ZFP57: variants seen among roughly 807,000 people sequenced by gnomAD.
The protein encoded by ZFP57 is zinc finger protein 57 homolog.
Under a neutral mutation model 15.8 loss-of-function variants are expected in ZFP57, and 12 were observed. That is an observed-to-expected ratio of 0.76 (90% confidence interval 0.49 to 1.23). ZFP57 has a LOEUF of 1.23. Among genes scored for constraint, ZFP57 ranks in the 50% most tolerant of loss-of-function variants. The pLI, the probability that ZFP57 is intolerant of heterozygous loss-of-function variation, is 0.00. For synonymous variants in ZFP57, 203 were observed against 242.3 expected (o/e 0.84, Z 1.51); for missense variants, 536 against 654.9 (o/e 0.82, Z 1.98).
At chr6:29,676,544 A>AAAG (rs1159231272) in intron 2 of ZFP57, among the ~76,000 whole-genome samples, 4 of 134,792 alleles carry the variant, frequency 3.0e-5, no homozygotes, top group Non-Finnish European at 6.6e-5. Context: ...TCAAAAAAAA[A>AAAG]AAAAAGAAAA....
At chr6:29,679,134 C>A (rs1481349540) in intron 1 of ZFP57, among the ~76,000 whole-genome samples, 1 of 152,214 alleles carries the variant, frequency 6.6e-6, no homozygotes, top group Non-Finnish European at 1.5e-5. Flanking sequence ...TGCTAACAAC[C>A]CAAGAGCAAT....
chr6:29,675,495 G>C lies in ZFP57; in HGVS notation c.251-8C>G. 1 of 1,612,590 alleles carries C rather than the reference G, an allele frequency of 6.2e-7. No individual in the cohort carries two copies. The highest frequency in any genetic ancestry group is 8.5e-7 in the Non-Finnish European group (1 of 1,178,638). ...TATGCAGAAAGATTCTGGCTGATGT[G>C]TGGGAATGAGAAAGAGTTGAGTTGG... On this transcript the variant is annotated splice_polypyrimidine_tract_variant and splice_region_variant and intron_variant, in intron 3 of 4. Transcript: ENST00000376883.
chr6:29,678,406 T>C (rs1772178447), intron 1 of ZFP57, among the ~76,000 whole-genome samples: 2 of 152,254 alleles, frequency 1.3e-5, no homozygotes, highest in Admixed American at 1.3e-4. Flanking sequence ...ACTACTGTAG[T>C]ATAGCAGTTG....
Position 29,676,944 on chromosome 6 carries a change from C to A in ZFP57, c.60G>T (p.Glu20Asp). ...PVQKTLPWVG[E>D]VAATLQEAMK... ...TGGCTTCCTGCAGGGTGGCAGCTACCTCGCCCACCCATGGGAGCGTCTTCT... is the reference window on the plus strand; with the variant it reads ...TGGCTTCCTGCAGGGTGGCAGCTACATCGCCCACCCATGGGAGCGTCTTCT... Residue 20 changes from glutamate to aspartate, a missense_variant, in exon 2 of 5, where the codon GAG becomes GAT. Transcript: ENST00000376883. 6.2e-7 allele frequency: 1 copy of A among 1,614,226 alleles called. No homozygotes were observed. Among genetic ancestry groups the A allele is most frequent in the Non-Finnish European group, 8.5e-7 (1 of 1,180,040 alleles).
chr6:29,672,454 C>G (rs761731922), downstream of ZFP57: 10 of 1,611,692 alleles, frequency 6.2e-6, no homozygotes, highest in South Asian at 6.6e-5. Flanking sequence ...GAGGTCAGTC[C>G]TCAGGAAAAC....
At chr6:29,680,213 C>A (rs766060585) in intron 1 of ZFP57, among the ~76,000 whole-genome samples, 8 of 152,182 alleles carry the variant, frequency 5.3e-5, no homozygotes, top group Non-Finnish European at 1.2e-4. Context: ...AGGCCGCCTG[C>A]GGGCTTATCT....
At chr6:29,677,403 G>A (rs1772129564) in intron 1 of ZFP57, 37 bp from the exon 2 acceptor site, 1 of 280,680 alleles carries the variant, frequency 3.6e-6, no homozygotes, top group African/African-American at 2.2e-5. Flanking sequence ...TCAGCAAGAG[G>A]GAGGGTAAGA....
chr6:29,675,270 G>A, intron 4 of ZFP57, 116 bp downstream of exon 4: 1 of 827,564 alleles, frequency 1.2e-6, no homozygotes, highest in Non-Finnish European at 2.1e-6. Flanking sequence ...GACCAGGCTG[G>A]ACAGAGGTAC....
intron 3 of ZFP57, 109 bp from the exon 4 acceptor site, chr6:29,675,596 T>G: frequency 1.1e-6 from 1 of 940,206 alleles, no homozygotes; most frequent in Non-Finnish European, 1.8e-6. Context: ...AACCATAACC[T>G]GGGACATGTA....
Position 29,672,528 on chromosome 6 carries a change from T to G in ZFP57, c.1583A>C (p.Glu528Ala). 1 of 1,612,992 alleles carries G rather than the reference T, an allele frequency of 6.2e-7. No individual in the cohort carries two copies. Among genetic ancestry groups the G allele is most frequent in the African/African-American group, 1.3e-5 (1 of 75,024 alleles). The change falls in exon 5 of 5, where the codon GAG (glutamate) becomes GCG (alanine). Residue 528 changes from glutamate (E) to alanine (A), a missense_variant. Coordinates refer to ENST00000376883, the MANE Select transcript of ZFP57 (RefSeq NM_001109809.5). Reference protein sequence around the residue: ...EKACKGDKTKEAVSILKHK With the variant: ...EKACKGDKTKAAVSILKHK ...TTTATGTTTCAAGATGCTCACTGCCTCCTTTGTTTTGTCTCCTTTGCAGGC... is the reference window on the plus strand; with the variant it reads ...TTTATGTTTCAAGATGCTCACTGCCGCCTTTGTTTTGTCTCCTTTGCAGGC...
chr6:29,672,995 G>A lies in ZFP57; in HGVS notation c.1116C>T (p.Asn372=), dbSNP rs1771789179. 2 of 1,613,086 alleles carry A rather than the reference G, an allele frequency of 1.2e-6. No homozygotes were observed. The highest frequency in any genetic ancestry group is 1.7e-6 in the Non-Finnish European group (2 of 1,180,036). The change falls in exon 5 of 5, where the codon AAC becomes AAT. Residue 372 remains asparagine, a synonymous_variant. Coordinates refer to ENST00000376883, the MANE Select transcript of ZFP57 (RefSeq NM_001109809.5). ...GTCTTGAGGGCTTCACTGGATGAGA[G>A]TTGGATCTGGCATCCTGACAGAGGG... ...TGTLCQDARS[N]SHPVKPSRLN...
chr6:29,676,249 G>T (rs1772066529), intron 2 of ZFP57, among the ~76,000 whole-genome samples, 190 bp from the exon 3 acceptor site: 1 of 152,070 alleles, frequency 6.6e-6, no homozygotes, highest in African/African-American at 2.4e-5. Flanking sequence ...GTATAGAAAG[G>T]AAAGGAGGCC....
Position 29,676,906 on chromosome 6 carries a change from C to G in ZFP57, c.98G>C (p.Cys33Ser), listed in dbSNP as rs1420512368. 1.2e-6 allele frequency: 2 copies of G among 1,614,220 alleles called. No individual in the cohort carries two copies. The highest frequency in any genetic ancestry group is 3.3e-5 in the Admixed American group (2 of 60,032). ...ATLQEAMKRDCWREARVKKKP... is the reference protein window; with the variant it reads ...ATLQEAMKRDSWREARVKKKP... ...CTTCTTCACCCGTGCCTCCCTCCAG[C>G]AATCTCTCTTCATGGCTTCCTGCAG... Residue 33 changes from cysteine to serine, a missense_variant, in exon 2 of 5, where the codon TGC becomes TCC. By Grantham distance (112) the Cys-to-Ser change is moderately radical. Transcript: ENST00000376883.
Position 29,672,654 on chromosome 6 carries a change from G to A in ZFP57, c.1457C>T (p.Ser486Phe), listed in dbSNP as rs1771740635. ...CCCAGCCATAGTGGGGACATCATGA[G>A]AGAAGCCAAGCCACTGGCCCAGGAT... ...RVILGQWLGF[S>F]HDVPTMAGEE... The change falls in exon 5 of 5, where the codon TCT becomes TTT. Residue 486 changes from serine to phenylalanine, a missense_variant. Coordinates refer to ENST00000376883, the MANE Select transcript of ZFP57 (RefSeq NM_001109809.5). 3 of 1,611,420 alleles carry A rather than the reference G, an allele frequency of 1.9e-6. No individual in the cohort carries two copies. The highest frequency in any genetic ancestry group is 1.7e-6 in the Non-Finnish European group (2 of 1,178,638).
chr6:29,673,867 G>A lies in ZFP57; in HGVS notation c.353-109C>T. 3 of 1,309,034 alleles carry A rather than the reference G, an allele frequency of 2.3e-6. No homozygotes were observed. The highest frequency in any genetic ancestry group is 3.3e-6 in the Non-Finnish European group (3 of 913,450). The allele number at this position is 1,309,034 out of a possible 1,614,324, so 81.1% of individuals were successfully genotyped here. A position where few individuals can be genotyped will look rare whatever the true frequency, so the allele number is the denominator to read the frequency against. On this transcript the variant is annotated intron_variant, in intron 4 of 4. Coordinates refer to ENST00000376883, the MANE Select transcript of ZFP57 (RefSeq NM_001109809.5). The surrounding 1 kb of genome is among the most constrained non-coding windows in gnomAD (Gnocchi z 4.7). ...CCAGCACTTTGGGAGGCCGAGGCCA[G>A]CGGATCACCTGAGGTTAGGAGTTCG...
chr6:29,672,525 G>T lies in ZFP57; in HGVS notation c.1586C>A (p.Ala529Glu). ...TTATTTATGTTTCAAGATGCTCACT[G>T]CCTCCTTTGTTTTGTCTCCTTTGCA... The part of the protein sequence containing the change: ...KACKGDKTKE[A>E]VSILKHK The change falls in exon 5 of 5, where the codon GCA becomes GAA. Residue 529 changes from alanine to glutamate, a missense_variant. By Grantham distance (107) the Ala-to-Glu change is moderately radical. Transcript: ENST00000376883. 1 of 1,612,950 alleles carries T rather than the reference G, an allele frequency of 6.2e-7. No homozygotes were observed. The highest frequency in any genetic ancestry group is 8.5e-7 in the Non-Finnish European group (1 of 1,180,010).
Position 29,673,044 on chromosome 6 carries a change from C to T in ZFP57, c.1067G>A (p.Arg356Lys). The stretch of plus-strand genomic sequence containing the variant: ...GGTTCCAGTGATGGGTGCCTGGGTC[C>T]TGGTCACAGGTGCTTGGTTCTTAAG... The part of the protein sequence containing the change: ...SVLKNQAPVT[R>K]TQAPITGTLC... The change falls in exon 5 of 5, where the codon AGG (arginine) becomes AAG (lysine). Residue 356 changes from arginine (R) to lysine (K), a missense_variant. Physicochemically the swap from Arg to Lys is conservative, Grantham distance 26. Transcript: ENST00000376883. This position sits in a 1 kb window ranked among gnomAD's most constrained non-coding sequence, Gnocchi z 4.7. 6.2e-7 allele frequency: 1 copy of T among 1,613,030 alleles called. No homozygotes were observed. The highest frequency in any genetic ancestry group is 1.1e-5 in the South Asian group (1 of 91,084).
At chr6:29,679,473 CCT>C (rs971283459) in intron 1 of ZFP57, among the ~76,000 whole-genome samples, 1 of 152,170 alleles carries the variant, frequency 6.6e-6, no homozygotes, top group Non-Finnish European at 1.5e-5. Flanking sequence ...TTCCTTTCTT[CCT>C]CTCTCTTTCT....
rs1184548139 is a variant in ZFP57, at chr6:29,672,962, G to C, written c.1149C>G (p.Val383=). 5 of 1,612,982 alleles carry C rather than the reference G, an allele frequency of 3.1e-6. No homozygotes were observed. The highest frequency in any genetic ancestry group is 2.7e-5 in the African/African-American group (2 of 74,942). ...TCAAAGAACAATGGGGGCAACAGAAGACATTGAGTCTTGAGGGCTTCACTG... is the reference window on the plus strand; with the variant it reads ...TCAAAGAACAATGGGGGCAACAGAACACATTGAGTCTTGAGGGCTTCACTG... ...SHPVKPSRLN[V]FCCPHCSLTF... is the part of the protein sequence containing the mutation. The change falls in exon 5 of 5, where the codon GTC becomes GTG. Residue 383 remains valine, a synonymous_variant. Coordinates refer to ENST00000376883, the MANE Select transcript of ZFP57 (RefSeq NM_001109809.5).
Sources: gnomAD v4.1 joint callset for allele counts (sites outside exome capture counted in the v4.1 genomes callset) on GRCh38, gnomAD v4.1.1 for gene constraint, Gnocchi (gnomAD v3.1) non-coding constraint, MANE v1.5 for transcripts, NCBI Gene and HGNC (gene_info 2026-07-23, HGNC 2026-07-21) for gene names.